EPHA3: variants seen among roughly 807,000 people sequenced by gnomAD.
The protein encoded by EPHA3 is ephrin type-A receptor 3.
Under a neutral mutation model 107.1 loss-of-function variants are expected in EPHA3, and 42 were observed. That is an observed-to-expected ratio of 0.39 (90% CI 0.31 to 0.51). The LOEUF is 0.51. Ranked by LOEUF, EPHA3 falls within the 20% of genes least tolerant of loss-of-function variation. The pLI is 0.78. For missense variants in EPHA3, 1,183 were observed against 1,211.2 expected, an observed-to-expected ratio of 0.98 and a Z score of 0.35; for synonymous variants, 461 against 424.8, an observed-to-expected ratio of 1.09 and a Z score of -1.05.
intron 5 of EPHA3, among the ~76,000 whole-genome samples, chr3:89,354,752 T>C (rs1707907764): frequency 6.6e-6 from 1 of 151,226 alleles, no homozygotes. Context: ...AATTATCTTA[T>C]TCAATCTTAC....
chr3:89,370,743 A>G lies in EPHA3; in HGVS notation c.1307-25094A>G, dbSNP rs563653518. The stretch of plus-strand genomic sequence containing the variant: ...AAAAAAAGAAGGAATGCAAACAACA[A>G]AGTAGAAATGAATAAGGAAGTCTCT... On this transcript the variant is annotated intron_variant, in intron 5 of 16. Transcript: ENST00000336596. Among the ~76,000 whole-genome samples the G allele has an allele frequency of 4.6e-5, 7 of 151,926 alleles. No individual in the cohort carries two copies. The South Asian group carries it at 1.4e-3, about 31-fold the overall frequency.
chr3:89,377,265 C>G (rs1708420078), intron 5 of EPHA3, among the ~76,000 whole-genome samples: 1 of 152,056 alleles, frequency 6.6e-6, no homozygotes, highest in South Asian at 2.1e-4. Context: ...GTGTAATTGC[C>G]TGTGCATCAG....
At chr3:89,127,093 G>C (rs1436833165) in intron 1 of EPHA3, 116 bp from the exon 2 acceptor site, 3 of 764,084 alleles carry the variant, frequency 3.9e-6, no homozygotes, top group Non-Finnish European at 6.7e-6. Context: ...CTTATAATGA[G>C]AAGGAAGAGT....
intron 1 of EPHA3, 95 bp downstream of exon 1, chr3:89,107,931 C>T (rs1028559775): frequency 5.0e-5 from 61 of 1,232,242 alleles, no homozygotes; most frequent in Non-Finnish European, 6.5e-5. Flanking sequence ...CGGGAAGGTG[C>T]CTCCGAATAG....
chr3:89,309,391 G>A (rs1322651640), intron 3 of EPHA3, among the ~76,000 whole-genome samples: 4 of 152,248 alleles, frequency 2.6e-5, no homozygotes, highest in African/African-American at 9.6e-5. Context: ...CTGGAAAAGA[G>A]ATTAACAAAT....
In EPHA3 at chr3:89,342,084, C is replaced by T. The variant is rs1317883302; in HGVS notation, c.1300C>T (p.Gln434Ter). 6.2e-7 allele frequency: 1 copy of T among 1,608,654 alleles called. No homozygotes were observed. Among genetic ancestry groups the T allele is most frequent in the African/African-American group, 1.4e-5 (1 of 73,310 alleles). ...TGCTGCGGTCAGCATCACAACTAAT[C>T]AGGCTGGTGAGTACATACTAGATGC... Reference protein sequence around the residue: ...QFAAVSITTNQAAPSPVLTIK... With the variant: ...QFAAVSITTN Residue 434 changes from glutamine to a stop codon, truncating the protein, a stop_gained, in exon 5 of 17, where the codon CAG (glutamine) becomes TAG (stop). Coordinates refer to ENST00000336596, the MANE Select transcript of EPHA3 (RefSeq NM_005233.6). LOFTEE classifies it high-confidence loss of function.
intron 2 of EPHA3, among the ~76,000 whole-genome samples, chr3:89,204,501 CA>C (rs1559599056): frequency 1.9e-5 from 2 of 106,042 alleles, no homozygotes; most frequent in African/African-American, 2.7e-5. Flanking sequence ...CACACACACA[CA>C]CACACCCCAA....
At position 89,480,414 on chromosome 3, in the gene EPHA3, C is replaced by T. The variant is rs989813681; in HGVS notation, c.*912C>T. On this transcript the variant is annotated 3_prime_UTR_variant, in exon 17 of 17. Coordinates refer to ENST00000336596, the MANE Select transcript of EPHA3 (RefSeq NM_005233.6). ...TTTATTATAAACTGTATGCTCACAA[C>T]TTAGTGTAATATACCAGCTTGTATG... 1 of 233,150 alleles carries T rather than the reference C, an allele frequency of 4.3e-6. No homozygotes were observed. Among genetic ancestry groups the T allele is most frequent in the African/African-American group, 2.2e-5 (1 of 45,326 alleles). The allele number at this position is 233,150 out of a possible 1,614,324, so 14.4% of individuals were successfully genotyped here.
chr3:89,209,369 T>G (rs1403765223), intron 2 of EPHA3, among the ~76,000 whole-genome samples: 1 of 152,134 alleles, frequency 6.6e-6, no homozygotes, highest in East Asian at 1.9e-4. Context: ...TTAAAAAATG[T>G]CATGCATGAT....
chr3:89,184,504 T>C (rs1705516564), intron 2 of EPHA3, among the ~76,000 whole-genome samples: 1 of 152,054 alleles, frequency 6.6e-6, no homozygotes, highest in Non-Finnish European at 1.5e-5. Flanking sequence ...TATAATCATA[T>C]GCAGAAATTA....
At chr3:89,212,240 C>A (rs1035570015) in intron 3 of EPHA3, among the ~76,000 whole-genome samples, 13 of 151,846 alleles carry the variant, frequency 8.6e-5, no homozygotes, top group African/African-American at 3.1e-4. Flanking sequence ...AATATATTTT[C>A]TTTAATTTAC....
At chr3:89,434,953 T>C (rs1237072453) in intron 13 of EPHA3, among the ~76,000 whole-genome samples, 1 of 152,192 alleles carries the variant, frequency 6.6e-6, no homozygotes, top group Non-Finnish European at 1.5e-5. Flanking sequence ...AAGCTGTAAT[T>C]TGCATGTGCG....
intron 9 of EPHA3, among the ~76,000 whole-genome samples, chr3:89,410,761 T>A (rs1406187198): frequency 6.6e-6 from 1 of 151,982 alleles, no homozygotes; most frequent in Non-Finnish European, 1.5e-5. Context: ...TACTTACTTT[T>A]ACAATTTTTC....
At chr3:89,341,180 C>G in intron 4 of EPHA3, 109 bp downstream of exon 4, 1 of 1,196,218 alleles carries the variant, frequency 8.4e-7, no homozygotes, top group Non-Finnish European at 1.2e-6. Flanking sequence ...TTCTGTTGCC[C>G]GTGTGCAAAT....
intron 15 of EPHA3, among the ~76,000 whole-genome samples, chr3:89,451,247 G>A (rs1709984044): frequency 6.6e-6 from 1 of 152,094 alleles, no homozygotes; most frequent in South Asian, 2.1e-4. Flanking sequence ...GAATCACTGA[G>A]TTCTCTCAGT....
chr3:89,435,582 A>G (rs994863368), intron 13 of EPHA3, among the ~76,000 whole-genome samples: 2 of 144,436 alleles, frequency 1.4e-5, no homozygotes, highest in Admixed American at 1.4e-4. Flanking sequence ...ATAATTTTAT[A>G]TATAAATACA....
chr3:89,136,330 C>CTTTTTGTTTTTTTTTTTTTTTT (rs1704310179), intron 2 of EPHA3, among the ~76,000 whole-genome samples: 1 of 23,370 alleles, frequency 4.3e-5, no homozygotes, highest in African/African-American at 1.7e-4. Context: ...ATCTTACAGG[C>CTTTTTGTTTTTTTTTTTTTTTT]TTTTTTTTTT....
intron 16 of EPHA3, among the ~76,000 whole-genome samples, chr3:89,473,587 C>T (rs1483540663): frequency 3.3e-5 from 5 of 152,248 alleles, no homozygotes; most frequent in East Asian, 3.9e-4. Flanking sequence ...GATTCCCATG[C>T]GCATAGCTAA....
intron 3 of EPHA3, among the ~76,000 whole-genome samples, chr3:89,235,665 G>A (rs1704741636): frequency 6.6e-6 from 1 of 151,510 alleles, no homozygotes; most frequent in Admixed American, 6.6e-5. Flanking sequence ...TCATGAACAT[G>A]GTGTATCTAT....
Sources: gnomAD v4.1 joint callset for allele counts (sites outside exome capture counted in the v4.1 genomes callset) on GRCh38, gnomAD v4.1.1 for gene constraint, MANE v1.5 for transcripts, NCBI Gene and HGNC (gene_info 2026-07-23, HGNC 2026-07-21) for gene names.